Variants in MLLT10 observed in about 807,000 individuals in gnomAD.
MLLT10 encodes MLLT10 histone lysine methyltransferase DOT1L cofactor.
MLLT10 carries 30 observed loss-of-function variants against 129.1 expected under a neutral mutation model. The observed-to-expected ratio is 0.23, with a 90% CI of 0.17 to 0.32. The LOEUF (loss-of-function observed/expected upper bound fraction) is 0.32. MLLT10 is among the 10% of genes least tolerant of loss of function. The pLI is 1.00. For missense variants in MLLT10, 1,119 were observed against 1,268.3 expected, an observed-to-expected ratio of 0.88 and a Z score of 1.79; for synonymous variants, 490 against 446.4, an observed-to-expected ratio of 1.10 and a Z score of -1.23.
At chr10:21,556,736 T>C in intron 3 of MLLT10, 1 of 1,611,766 alleles carries the variant, frequency 6.2e-7, no homozygotes, top group Non-Finnish European at 8.5e-7. Context: ...CCACCCCCGA[T>C]GCCTGGTGTC....
rs781669401 is a variant in MLLT10, at chr10:21,732,975, T to A, written c.2295T>A (p.Thr765=). The A allele has an allele frequency of 9.3e-6, 15 of 1,613,918 alleles. No homozygotes were observed. In the South Asian group the frequency reaches 1.6e-4, roughly 18 times the overall value. ...RRLEEQIKNL[T]AKKERLQLLN... is the part of the protein sequence containing the mutation. ...TAGAGGAACAAATTAAAAACTTGACTGCCAAAAAGGAACGGCTTCAGTTAT... is the reference window on the plus strand; with the variant it reads ...TAGAGGAACAAATTAAAAACTTGACAGCCAAAAAGGAACGGCTTCAGTTAT... The change falls in exon 18 of 23, where the codon ACT becomes ACA. Residue 765 remains threonine, a synonymous_variant. Coordinates refer to ENST00000307729, the MANE Select transcript of MLLT10 (RefSeq NM_001195626.3).
At chr10:21,536,473 C>T (rs2034026271) in intron 2 of MLLT10, among the ~76,000 whole-genome samples, 1 of 152,164 alleles carries the variant, frequency 6.6e-6, no homozygotes, top group Admixed American at 6.5e-5. Flanking sequence ...AATTTTCCTT[C>T]CTAGAAGTAC....
At chr10:21,598,547 T>G (rs1356817528) in intron 5 of MLLT10, among the ~76,000 whole-genome samples, 1 of 152,182 alleles carries the variant, frequency 6.6e-6, no homozygotes, top group Non-Finnish European at 1.5e-5. Flanking sequence ...CCTACGGAGA[T>G]ACATATTTCT....
intron 21 of MLLT10, chr10:21,738,657 G>A: frequency 2.6e-6 from 2 of 758,174 alleles, no homozygotes; most frequent in Non-Finnish European, 3.2e-6. Context: ...AAATCCAGTG[G>A]TCCCTTCTCA....
chr10:21,630,530 T>C (rs562387451), intron 8 of MLLT10, among the ~76,000 whole-genome samples: 1 of 152,312 alleles, frequency 6.6e-6, no homozygotes, highest in East Asian at 1.9e-4. Context: ...ATGTTGTTTA[T>C]ATAGCAAGCA....
At chr10:21,629,619 A>G (rs1422671601) in intron 8 of MLLT10, among the ~76,000 whole-genome samples, 3 of 152,364 alleles carry the variant, frequency 2.0e-5, no homozygotes, top group East Asian at 1.9e-4. Flanking sequence ...ATCATTGTCA[A>G]TAGTGGGGAA....
intron 14 of MLLT10, among the ~76,000 whole-genome samples, chr10:21,714,620 C>T (rs71488419): frequency 6.6e-6 from 1 of 152,168 alleles, no homozygotes; most frequent in Non-Finnish European, 1.5e-5. Flanking sequence ...GCACCTCTGC[C>T]TCCTGGGTTC....
At chr10:21,638,727 T>A (rs1186061762) in intron 8 of MLLT10, among the ~76,000 whole-genome samples, 1 of 152,132 alleles carries the variant, frequency 6.6e-6, no homozygotes, top group African/African-American at 2.4e-5. Flanking sequence ...ATGTGGCCAT[T>A]GAGGCCTCTT....
chr10:21,668,781 T>C (rs1650461914), intron 9 of MLLT10: 1 of 334,308 alleles, frequency 3.0e-6, no homozygotes, highest in Non-Finnish European at 4.3e-6. Context: ...TAGATTGTCA[T>C]GTGGAAGTGA....
chr10:21,583,639 T>A (rs953993383), intron 3 of MLLT10, among the ~76,000 whole-genome samples: 2 of 152,054 alleles, frequency 1.3e-5, no homozygotes, highest in Non-Finnish European at 2.9e-5. Flanking sequence ...ACCAGGAGTG[T>A]CACATGGTGA....
intron 9 of MLLT10, among the ~76,000 whole-genome samples, chr10:21,658,072 T>C (rs976920446): frequency 1.3e-5 from 2 of 152,172 alleles, no homozygotes; most frequent in Non-Finnish European, 2.9e-5. Flanking sequence ...AATTTAATTT[T>C]GAAGGAAATA....
At chr10:21,645,782 CCTTAAGATATGAACTTACAAGTATTAT>C (rs2048412250) in intron 8 of MLLT10, among the ~76,000 whole-genome samples, 1 of 152,294 alleles carries the variant, frequency 6.6e-6, no homozygotes, top group Non-Finnish European at 1.5e-5. Context: ...TTCCTCTTGG[CCTTAAGATATGAACTTACAAGTATTAT>C]CTTCACTGCT....
At chr10:21,614,774 A>T in intron 6 of MLLT10, 57 bp from the exon 7 acceptor site, 1 of 1,348,626 alleles carries the variant, frequency 7.4e-7, no homozygotes, top group Admixed American at 2.1e-5. Context: ...ATTTGCTTAT[A>T]TATACAGGTA....
At chr10:21,539,279 G>A (rs550838434) in intron 3 of MLLT10, among the ~76,000 whole-genome samples, 2 of 152,112 alleles carry the variant, frequency 1.3e-5, no homozygotes, top group Non-Finnish European at 2.9e-5. Flanking sequence ...CTTAGGTTTT[G>A]TGTAATGGGA....
chr10:21,556,422 G>T (rs1429756103), intron 3 of MLLT10, among the ~76,000 whole-genome samples: 1 of 152,136 alleles, frequency 6.6e-6, no homozygotes, highest in Non-Finnish European at 1.5e-5. Flanking sequence ...GACAAACCTG[G>T]TTACCAATAT....
intron 13 of MLLT10, among the ~76,000 whole-genome samples, chr10:21,709,472 C>A (rs1171462304): frequency 6.6e-6 from 1 of 152,198 alleles, no homozygotes; most frequent in Non-Finnish European, 1.5e-5. Context: ...CTCAGGTGAT[C>A]CACCTGCCTC....
Position 21,743,145 on chromosome 10 carries a change from A to T in MLLT10, c.*1162A>T. On this transcript the variant is annotated 3_prime_UTR_variant, in exon 23 of 23. Transcript: ENST00000307729. ...CCGCAGAGTGATTCCCCCACTGAGGATGTCATCATCAAACTCTTCTTTGGT... is the reference window on the plus strand; with the variant it reads ...CCGCAGAGTGATTCCCCCACTGAGGTTGTCATCATCAAACTCTTCTTTGGT... 4.3e-6 allele frequency: 1 copy of T among 230,304 alleles called. No individual in the cohort carries two copies. The highest frequency in any genetic ancestry group is 2.2e-5 in the African/African-American group (1 of 45,272). 14.3% of individuals were successfully genotyped at this position (230,304 alleles called of 1,614,324 possible).
chr10:21,625,845 G>C (rs1242500999), intron 8 of MLLT10: 1 of 776,468 alleles, frequency 1.3e-6, no homozygotes, highest in Non-Finnish European at 2.4e-6. Flanking sequence ...CCAGACAGTG[G>C]ATCTATGATA....
upstream of MLLT10, among the ~76,000 whole-genome samples, chr10:21,533,941 C>CT (rs1456119384): frequency 6.6e-6 from 1 of 152,142 alleles, no homozygotes; most frequent in Non-Finnish European, 1.5e-5. Flanking sequence ...CCCCCGCCAC[C>CT]TCCCAGGCCT....
Sources: gnomAD v4.1 joint callset for allele counts (sites outside exome capture counted in the v4.1 genomes callset) on GRCh38, gnomAD v4.1.1 for gene constraint, MANE v1.5 for transcripts, NCBI Gene and HGNC (gene_info 2026-07-23, HGNC 2026-07-21) for gene names.